The following CAPZB variants were observed in gnomAD, a reference collection of about 807,000 sequenced individuals.
CAPZB encodes the protein F-actin-capping protein subunit beta.
CAPZB carries 2 observed loss-of-function variants against 38.1 expected under a neutral mutation model. That is an observed-to-expected ratio of 0.05 (90% CI 0.02 to 0.17). The LOEUF (loss-of-function observed/expected upper bound fraction) is 0.17. CAPZB is among the 10% of genes least tolerant of loss of function. The pLI is 1.00. For synonymous variants in CAPZB, 107 were observed against 127.4 expected (o/e 0.84, Z 1.08); for missense variants, 161 against 334.2 (o/e 0.48, Z 4.04).
intron 2 of CAPZB, among the ~76,000 whole-genome samples, chr1:19,411,112 GGTGGAAGGACTGCTTGAGT>G (rs1450344910): frequency 2.6e-5 from 4 of 152,178 alleles, no homozygotes; most frequent in East Asian, 1.9e-4. Flanking sequence ...GGGAGGCCAA[GGTGGAAGGACTGCTTGAGT>G]GTGGAAGGAC....
At chr1:19,355,120 T>C (rs879864103) in intron 6 of CAPZB, among the ~76,000 whole-genome samples, 4 of 152,204 alleles carry the variant, frequency 2.6e-5, no homozygotes, top group Admixed American at 6.5e-5. Context: ...GTATGACGGC[T>C]GACATTCACC....
At chr1:19,416,230 T>C (rs1237744166) in intron 2 of CAPZB, among the ~76,000 whole-genome samples, 3 of 152,216 alleles carry the variant, frequency 2.0e-5, no homozygotes, top group South Asian at 4.1e-4. Context: ...CATTTTAGAT[T>C]ACTAATGAAT....
intron 1 of CAPZB, among the ~76,000 whole-genome samples, chr1:19,463,203 C>G (rs12401874): frequency 0.27 from 41,767 of 152,072 alleles, 6,449 homozygotes; most frequent in East Asian, 0.53. Flanking sequence ...GGTGGCTGCG[C>G]GGGTCTACAG....
chr1:19,398,877 T>TC, intron 2 of CAPZB, among the ~76,000 whole-genome samples: 1 of 92,996 alleles, frequency 1.1e-5, no homozygotes, highest in East Asian at 3.0e-4. Flanking sequence ...GCTGCACAAC[T>TC]CTTTTTTTTT....
In CAPZB at chr1:19,457,362, C is replaced by T. The variant is rs1299376968; in HGVS notation, c.3+28074G>A. ...CGCAGTGCTCGCTTCCGGGCTTGAT[C>T]GCACTAATTAGGCACCTTTAATTCC... On this transcript the variant is annotated intron_variant, in intron 1 of 8. Transcript: ENST00000264202. Among the ~76,000 whole-genome samples, 4 of 152,250 alleles carry T rather than the reference C, an allele frequency of 2.6e-5. No individual in the cohort carries two copies. The East Asian group carries it at 7.7e-4, about 29-fold the overall frequency.
intron 4 of CAPZB, among the ~76,000 whole-genome samples, chr1:19,366,905 C>T (rs1275140662): frequency 6.6e-6 from 1 of 152,206 alleles, no homozygotes; most frequent in Non-Finnish European, 1.5e-5. Flanking sequence ...CCTTAACATC[C>T]TTACAACAAA....
At chr1:19,396,792 A>C (rs947243934) in intron 2 of CAPZB, among the ~76,000 whole-genome samples, 16 of 151,704 alleles carry the variant, frequency 1.1e-4, no homozygotes, top group African/African-American at 3.9e-4. Flanking sequence ...AATACAAAAA[A>C]AAAAAAAAAA....
intron 1 of CAPZB, among the ~76,000 whole-genome samples, chr1:19,481,426 G>A (rs2094628123): frequency 6.6e-6 from 1 of 152,166 alleles, no homozygotes; most frequent in Admixed American, 6.5e-5. Context: ...CACAGTGAGT[G>A]GGGTCCAGCA....
At chr1:19,420,067 T>A (rs2094395468) in intron 1 of CAPZB, 1 of 297,104 alleles carries the variant, frequency 3.4e-6, no homozygotes, top group African/African-American at 2.2e-5. Flanking sequence ...TGGCTGCAGA[T>A]GTCGTGCCCC....
chr1:19,362,286 G>A (rs554002206), intron 4 of CAPZB, among the ~76,000 whole-genome samples: 12 of 152,158 alleles, frequency 7.9e-5, no homozygotes, highest in Non-Finnish European at 1.8e-4. Context: ...GCCCAGGCTG[G>A]AGTGCAGTGG....
intron 1 of CAPZB, among the ~76,000 whole-genome samples, chr1:19,426,697 C>T (rs1003095547): frequency 3.3e-5 from 5 of 152,318 alleles, no homozygotes; most frequent in Admixed American, 1.3e-4. Flanking sequence ...TCCCACTGTT[C>T]CAGCTTCAGC....
intron 2 of CAPZB, among the ~76,000 whole-genome samples, chr1:19,389,190 A>G (rs1429962403): frequency 6.6e-6 from 1 of 152,154 alleles, no homozygotes; most frequent in African/African-American, 2.4e-5. Flanking sequence ...ACGACCTGGC[A>G]CCATCACTGA....
chr1:19,485,513 C>G lies in CAPZB; in HGVS notation c.-75G>C, dbSNP rs2094648643. 2 of 1,195,624 alleles carry G rather than the reference C, an allele frequency of 1.7e-6. No individual in the cohort carries two copies. Among genetic ancestry groups the G allele is most frequent in the East Asian group, 6.4e-5 (2 of 31,220 alleles). The allele number at this position is 1,195,624 out of a possible 1,614,324, so 74.1% of individuals were successfully genotyped here. A position where few individuals can be genotyped will look rare whatever the true frequency, so the allele number is the denominator to read the frequency against. On this transcript the variant is annotated 5_prime_UTR_variant, in exon 1 of 9. Coordinates refer to ENST00000264202, the MANE Select transcript of CAPZB (RefSeq NM_004930.5). ...CCCGCAGCAGGGCCCGGCGCTTCCA[C>G]TTCCCCGGGTGCCCAGGAGTGAACA...
intron 4 of CAPZB, among the ~76,000 whole-genome samples, chr1:19,369,754 A>G (rs191237601): frequency 2.6e-5 from 4 of 152,336 alleles, no homozygotes; most frequent in Admixed American, 2.6e-4. Flanking sequence ...AGGGACAGGG[A>G]GTGAAGGGGG....
chr1:19,462,073 G>C (rs1427279399), intron 1 of CAPZB, among the ~76,000 whole-genome samples: 1 of 152,070 alleles, frequency 6.6e-6, no homozygotes, highest in Non-Finnish European at 1.5e-5. Context: ...CTGAGCCCAG[G>C]GCTTTGAGGC....
Position 19,357,589 on chromosome 1 carries a change from G to A in CAPZB, c.330-26C>T. 1 of 1,613,320 alleles carries A rather than the reference G, an allele frequency of 6.2e-7. No homozygotes were observed. The highest frequency in any genetic ancestry group is 8.5e-7 in the Non-Finnish European group (1 of 1,179,408). ...CTGCAGGAAACAGGCCAATGTGCCT[G>A]TTAGATGCTAAAGGACAGATCATCA... On this transcript the variant is annotated intron_variant, in intron 4 of 8. Coordinates refer to ENST00000264202, the MANE Select transcript of CAPZB (RefSeq NM_004930.5). The surrounding 1 kb of genome is among the most constrained non-coding windows in gnomAD (Gnocchi z 4.3).
chr1:19,460,316 GC>G (rs1451760469), intron 1 of CAPZB, among the ~76,000 whole-genome samples: 2 of 152,130 alleles, frequency 1.3e-5, no homozygotes, highest in Non-Finnish European at 2.9e-5. Context: ...TCGCTCTGTC[GC>G]CCAGGCTACA....
chr1:19,393,768 G>A (rs1452825018), intron 2 of CAPZB, among the ~76,000 whole-genome samples: 2 of 152,254 alleles, frequency 1.3e-5, no homozygotes, highest in Non-Finnish European at 2.9e-5. Context: ...CTGCAGGGCT[G>A]GGCTCTCCTG....
chr1:19,387,113 G>A (rs930641730), intron 2 of CAPZB, among the ~76,000 whole-genome samples: 2 of 151,628 alleles, frequency 1.3e-5, no homozygotes, highest in Admixed American at 6.6e-5. Flanking sequence ...AAGCTCACAC[G>A]CATTCTGCAA....
Sources: gnomAD v4.1 joint callset for allele counts (sites outside exome capture counted in the v4.1 genomes callset) on GRCh38, gnomAD v4.1.1 for gene constraint, Gnocchi (gnomAD v3.1) non-coding constraint, MANE v1.5 for transcripts, NCBI Gene and HGNC (gene_info 2026-07-23, HGNC 2026-07-21) for gene names.